Variants in PHLDB2 observed in about 807,000 individuals in gnomAD.
PHLDB2 encodes pleckstrin homology-like domain family B member 2.
PHLDB2 carries 71 observed loss-of-function variants against 123.6 expected under a neutral mutation model. The ratio of observed to expected loss-of-function variants is 0.57; its 90% CI spans 0.47 to 0.70. The LOEUF (loss-of-function observed/expected upper bound fraction) is 0.70, where lower values mean the gene tolerates loss of function less well. Among genes scored for constraint, PHLDB2 ranks in the 30% least tolerant of loss-of-function variants. PHLDB2 has a pLI of 0.00. For synonymous variants in PHLDB2, 547 were observed against 541.6 expected (o/e 1.01, Z -0.14); for missense variants, 1,446 against 1,519.5 (o/e 0.95, Z 0.80).
chr3:111,761,766 C>T (rs2059999006), intron 1 of PHLDB2, among the ~76,000 whole-genome samples: 1 of 152,092 alleles, frequency 6.6e-6, no homozygotes, highest in Admixed American at 6.5e-5. Flanking sequence ...TCGGGGATAC[C>T]ACACCATAAG....
At chr3:111,762,582 G>A (rs2060013698) in intron 1 of PHLDB2, among the ~76,000 whole-genome samples, 1 of 152,084 alleles carries the variant, frequency 6.6e-6, no homozygotes, top group African/African-American at 2.4e-5. Flanking sequence ...CTTCCACCCA[G>A]CCCTCCCAAG....
intron 2 of PHLDB2, among the ~76,000 whole-genome samples, chr3:111,887,208 G>T (rs761992276): frequency 7.2e-5 from 11 of 152,196 alleles, no homozygotes; most frequent in Non-Finnish European, 1.6e-4. Context: ...GTGACCTTCT[G>T]TACTGCCTGT....
At chr3:111,944,354 C>T (rs1324375297) in intron 8 of PHLDB2, among the ~76,000 whole-genome samples, 1 of 146,700 alleles carries the variant, frequency 6.8e-6, no homozygotes, top group Non-Finnish European at 1.5e-5. Flanking sequence ...AAGATCTATG[C>T]ATTTCACTGA....
chr3:111,738,907 A>G (rs2059553140), intron 1 of PHLDB2, among the ~76,000 whole-genome samples: 2 of 152,266 alleles, frequency 1.3e-5, no homozygotes, highest in African/African-American at 4.8e-5. Context: ...CCCCAACTGA[A>G]TGGTACAGCA....
chr3:111,734,328 C>G (rs1438122299), intron 1 of PHLDB2, among the ~76,000 whole-genome samples: 5 of 152,100 alleles, frequency 3.3e-5, no homozygotes, highest in Non-Finnish European at 7.4e-5. Context: ...GCCTGTAATC[C>G]TAGCACTTTG....
intron 14 of PHLDB2, 115 bp from the exon 15 acceptor site, chr3:111,967,563 G>A: frequency 9.1e-7 from 1 of 1,098,560 alleles, no homozygotes; most frequent in South Asian, 2.1e-5. Context: ...TATTATAAGA[G>A]ACTAGTCTAC....
intron 1 of PHLDB2, among the ~76,000 whole-genome samples, chr3:111,831,838 G>A (rs1432072485): frequency 6.6e-6 from 1 of 152,160 alleles, no homozygotes; most frequent in East Asian, 1.9e-4. Flanking sequence ...AGTTTCACAA[G>A]TAGGATGTTG....
In PHLDB2 at chr3:111,802,118, T is replaced by C. The variant is rs371425889; in HGVS notation, c.-48-43703T>C. ...TGATTTGTGTTACTTGTGATGATTA[T>C]GCATCTAACATCAAAACTTTGGCTC... On this transcript the variant is annotated intron_variant, in intron 1 of 17. Transcript: ENST00000393923. Among the ~76,000 whole-genome samples, 3 of 152,370 alleles carry C rather than the reference T, an allele frequency of 2.0e-5. No individual in the cohort carries two copies. In the East Asian group the frequency reaches 5.8e-4, roughly 29 times the overall value.
chr3:111,792,816 T>G (rs943763971), intron 1 of PHLDB2, among the ~76,000 whole-genome samples: 2 of 152,214 alleles, frequency 1.3e-5, no homozygotes, highest in African/African-American at 4.8e-5. Context: ...AGCAAACAAA[T>G]GCATGCCATG....
At chr3:111,827,724 A>C (rs2062737174) in intron 1 of PHLDB2, among the ~76,000 whole-genome samples, 1 of 151,080 alleles carries the variant, frequency 6.6e-6, no homozygotes. Context: ...AAGACCAAAA[A>C]CTGAGCAACT....
chr3:111,901,775 C>A (rs1318070315), intron 2 of PHLDB2, among the ~76,000 whole-genome samples: 1 of 152,138 alleles, frequency 6.6e-6, no homozygotes, highest in Non-Finnish European at 1.5e-5. Context: ...ATTTCTTTAA[C>A]AGAATGGGCT....
At chr3:111,816,025 C>T (rs1392430896) in intron 1 of PHLDB2, among the ~76,000 whole-genome samples, 1 of 152,180 alleles carries the variant, frequency 6.6e-6, no homozygotes, top group Non-Finnish European at 1.5e-5. Flanking sequence ...TTAGCAGCTT[C>T]CACATGGTGT....
At chr3:111,896,188 A>G (rs917279227) in intron 2 of PHLDB2, among the ~76,000 whole-genome samples, 1 of 152,000 alleles carries the variant, frequency 6.6e-6, no homozygotes, top group African/African-American at 2.4e-5. Flanking sequence ...CCTGGCCTCA[A>G]GTGATTTGCT....
chr3:111,913,411 G>A lies in PHLDB2; in HGVS notation c.1428G>A (p.Val476=). 1 of 1,614,144 alleles carries A rather than the reference G, an allele frequency of 6.2e-7. No individual in the cohort carries two copies. The highest frequency in any genetic ancestry group is 8.5e-7 in the Non-Finnish European group (1 of 1,180,028). ...CTACTGGGACCACCGTGGAAGATGT[G>A]CAGAAAATCAACAAGGAGCTTGAGA... ...RLSTGTTVED[V]QKINKELEKL... is the part of the protein sequence containing the mutation. The change falls in exon 3 of 18, where the codon GTG becomes GTA. Residue 476 remains valine (V), a synonymous_variant. Transcript: ENST00000431670.
chr3:111,760,066 T>C (rs1180886814), intron 1 of PHLDB2, among the ~76,000 whole-genome samples: 4 of 152,216 alleles, frequency 2.6e-5, no homozygotes, highest in Non-Finnish European at 5.9e-5. Context: ...AGGGGAGACA[T>C]TGCTAGGCAA....
intron 1 of PHLDB2, among the ~76,000 whole-genome samples, chr3:111,830,791 A>G (rs1233427992): frequency 9.0e-6 from 1 of 111,718 alleles, no homozygotes; most frequent in Non-Finnish European, 1.8e-5. Flanking sequence ...CCTGGGCGAC[A>G]GAGCGAGACT....
chr3:111,906,924 T>C (rs1162544779), intron 2 of PHLDB2, among the ~76,000 whole-genome samples: 1 of 152,196 alleles, frequency 6.6e-6, no homozygotes, highest in Non-Finnish European at 1.5e-5. Flanking sequence ...AGTGTTTTCC[T>C]GACCACAAGC....
intron 2 of PHLDB2, among the ~76,000 whole-genome samples, chr3:111,852,666 C>T (rs2064308895): frequency 6.6e-6 from 1 of 151,960 alleles, no homozygotes; most frequent in South Asian, 2.1e-4. Context: ...TTTAAGCCCA[C>T]TACGCAGGCA....
intron 12 of PHLDB2, among the ~76,000 whole-genome samples, chr3:111,959,121 C>A (rs1157490672): frequency 6.6e-6 from 1 of 152,262 alleles, no homozygotes; most frequent in Admixed American, 6.5e-5. Context: ...CCAGCCCCGT[C>A]CCCTGATCTT....
Sources: allele counts gnomAD v4.1 joint callset (sites outside exome capture counted in the v4.1 genomes callset), GRCh38; gene constraint gnomAD v4.1.1; transcripts MANE v1.5; gene names NCBI Gene and HGNC (gene_info 2026-07-23, HGNC 2026-07-21).